FASTKD1: variants seen among roughly 807,000 people sequenced by gnomAD.
The protein encoded by FASTKD1 is FAST kinase domain-containing protein 1, mitochondrial.
A neutral mutation model predicts 90.9 loss-of-function variants in FASTKD1; 94 were observed. The ratio of observed to expected loss-of-function variants is 1.03; its 90% CI spans 0.88 to 1.23. The LOEUF (loss-of-function observed/expected upper bound fraction) is 1.23. Ranked by LOEUF, FASTKD1 falls within the 50% of genes most tolerant of loss-of-function variation. The probability of loss-of-function intolerance (pLI) is 0.00; values close to 1 mark genes in which losing one functional copy is unlikely to be tolerated. For missense variants in FASTKD1, 945 were observed against 993.5 expected, an observed-to-expected ratio of 0.95 and a Z score of 0.66; for synonymous variants, 319 against 345.8, an observed-to-expected ratio of 0.92 and a Z score of 0.86.
At position 169,537,336 on chromosome 2, in the gene FASTKD1, A is replaced by T. The variant is rs113570944; in HGVS notation, c.2079T>A (p.Ile693=). The T allele has an allele frequency of 6.4e-7, 1 of 1,571,264 alleles. No individual in the cohort carries two copies. The highest frequency in any genetic ancestry group is 8.7e-7 in the Non-Finnish European group (1 of 1,148,296). Residue 693 remains isoleucine (I), a synonymous_variant, in exon 12 of 15, where the codon ATT becomes ATA. Transcript: ENST00000453153. ...GCTGTTGTGTTCCATCCATGCCACC[A>T]ATACCTTTATAAAAAAATAAATAAT... ...DRFCQQYNKG[I]GGMDGTQQQI...
At chr2:169,535,911 C>T (rs1684704398) in intron 12 of FASTKD1, among the ~76,000 whole-genome samples, 1 of 151,522 alleles carries the variant, frequency 6.6e-6, no homozygotes, top group Non-Finnish European at 1.5e-5. Context: ...ATCCTTCAAA[C>T]ATTTTAAAAC....
At chr2:169,553,271 C>CA (rs374454211) in intron 7 of FASTKD1, among the ~76,000 whole-genome samples, 23,015 of 79,020 alleles carry the variant, frequency 0.29, 4,172 homozygotes, top group South Asian at 0.43. Context: ...TAAAAGCATG[C>CA]AAAAAAAAAA....
intron 4 of FASTKD1, among the ~76,000 whole-genome samples, chr2:169,562,627 G>A (rs1242837535): frequency 6.6e-6 from 1 of 151,802 alleles, no homozygotes; most frequent in East Asian, 1.9e-4. Flanking sequence ...CTATGTTCTA[G>A]ATACTTATTC....
chr2:169,540,698 C>T (rs1211113317), intron 9 of FASTKD1, among the ~76,000 whole-genome samples: 1 of 152,128 alleles, frequency 6.6e-6, no homozygotes, highest in Non-Finnish European at 1.5e-5. Flanking sequence ...TATAAATAAG[C>T]ATTAGGAAGC....
intron 12 of FASTKD1, among the ~76,000 whole-genome samples, chr2:169,536,537 C>A (rs1306876559): frequency 6.6e-6 from 1 of 151,830 alleles, no homozygotes; most frequent in East Asian, 1.9e-4. Flanking sequence ...TAGTTTATAC[C>A]AAGTTTATAA....
At chr2:169,535,075 A>G (rs1368238827) in intron 12 of FASTKD1, among the ~76,000 whole-genome samples, 1 of 149,772 alleles carries the variant, frequency 6.7e-6, no homozygotes, top group Non-Finnish European at 1.5e-5. Context: ...CCAGGCTGGT[A>G]TCAAACTTCT....
chr2:169,557,159 T>C (rs1683356069), intron 6 of FASTKD1, 28 bp downstream of exon 6: 1 of 1,416,558 alleles, frequency 7.1e-7, no homozygotes, highest in Non-Finnish European at 1.0e-6. Flanking sequence ...GACAACAAAC[T>C]TAACGTCGTA....
chr2:169,564,040 G>T (rs1000688282), intron 3 of FASTKD1, among the ~76,000 whole-genome samples: 2 of 152,092 alleles, frequency 1.3e-5, no homozygotes, highest in Non-Finnish European at 2.9e-5. Context: ...AACATGAAAA[G>T]AACTAATGAT....
At chr2:169,538,162 AT>A in intron 10 of FASTKD1, 21 bp from the exon 11 acceptor site, 1 of 1,578,718 alleles carries the variant, frequency 6.3e-7, no homozygotes, top group South Asian at 1.2e-5. Flanking sequence ...TAAAATACTA[AT>A]GAATTTTGAT....
intron 12 of FASTKD1, among the ~76,000 whole-genome samples, chr2:169,534,123 A>C (rs1457413117): frequency 7.4e-6 from 1 of 134,428 alleles, no homozygotes; most frequent in African/African-American, 2.7e-5. Context: ...ATGAACCGTG[A>C]TCATGCCACT....
chr2:169,568,628 TAAAAAAAA>T (rs10618482), intron 3 of FASTKD1, among the ~76,000 whole-genome samples: 6 of 41,542 alleles, frequency 1.4e-4, no homozygotes, highest in Admixed American at 4.3e-4. Context: ...CCCTGTCCAT[TAAAAAAAA>T]AAAAAAAAAA....
chr2:169,530,243 G>A (rs988804587), intron 14 of FASTKD1, among the ~76,000 whole-genome samples: 2 of 152,100 alleles, frequency 1.3e-5, no homozygotes, highest in African/African-American at 4.8e-5. Flanking sequence ...TCCTTTGTAA[G>A]ATATAGAAAT....
rs1168766631 is a variant in FASTKD1 at position 169,561,803 on chromosome 2, A to ATTAATTTATTGTAAATTAT, written c.573-1037_573-1019dup. Among the ~76,000 whole-genome samples, 26 of 140,130 alleles carry ATTAATTTATTGTAAATTAT rather than the reference A, an allele frequency of 1.9e-4. 3 individuals carry two copies. The East Asian group carries it at 2.9e-3, about 16-fold the overall frequency. 91.9% of individuals were successfully genotyped at this position (140,130 alleles called of 152,430 possible). A position where few individuals can be genotyped will look rare whatever the true frequency, so the allele number is the denominator to read the frequency against. On this transcript the variant is annotated intron_variant, in intron 4 of 14. Transcript: ENST00000453153. ...TTTATTAATTTATTGTAAATTATTT[A>ATTAATTTATTGTAAATTAT]TTAATTTATTGTAAATTATTTATTA...
intron 9 of FASTKD1, among the ~76,000 whole-genome samples, chr2:169,542,876 TAGAC>T (rs1448616154): frequency 1.3e-5 from 2 of 152,132 alleles, no homozygotes; most frequent in Admixed American, 6.6e-5. Flanking sequence ...AAAATCTAAA[TAGAC>T]AGAAACAATC....
intron 1 of FASTKD1, 36 bp downstream of exon 1, chr2:169,573,633 A>G (rs1204787861): frequency 6.6e-6 from 1 of 152,188 alleles, no homozygotes; most frequent in Non-Finnish European, 1.5e-5. Flanking sequence ...TGGGTGGGAA[A>G]AGAAAAATAG....
chr2:169,565,326 G>C (rs1228721671), intron 3 of FASTKD1, among the ~76,000 whole-genome samples: 2 of 134,324 alleles, frequency 1.5e-5, no homozygotes, highest in East Asian at 2.3e-4. Flanking sequence ...GCAGTGGCGC[G>C]ATCTCGGCTC....
chr2:169,572,857 T>C (rs1684293630), intron 1 of FASTKD1: 1 of 152,204 alleles, frequency 6.6e-6, no homozygotes. Context: ...AAATATGCTA[T>C]AAATGTTTAC....
intron 4 of FASTKD1, 64 bp from the exon 5 acceptor site, chr2:169,560,849 T>C: frequency 8.6e-6 from 11 of 1,286,128 alleles, no homozygotes; most frequent in Admixed American, 3.2e-5. Context: ...CTTTTTTTTT[T>C]TTTTTTTTTT....
At position 169,544,706 on chromosome 2, in the gene FASTKD1, A is replaced by T; in HGVS notation, c.1816+15T>A. 7.0e-7 allele frequency: 1 copy of T among 1,434,940 alleles called. No homozygotes were observed. Among genetic ancestry groups the T allele is most frequent in the Non-Finnish European group, 9.8e-7 (1 of 1,019,216 alleles). 88.9% of individuals were successfully genotyped at this position (1,434,940 alleles called of 1,614,324 possible). On this transcript the variant is annotated intron_variant, in intron 9 of 14. Transcript: ENST00000453153. Reference sequence around the variant, plus strand: ...TGACTTATTCACTCAATGTATTACCAAACAATATACCTACCTAAGTAAGAA... The same window carrying T: ...TGACTTATTCACTCAATGTATTACCTAACAATATACCTACCTAAGTAAGAA...
Sources: allele counts gnomAD v4.1 joint callset (sites outside exome capture counted in the v4.1 genomes callset), GRCh38; gene constraint gnomAD v4.1.1; transcripts MANE v1.5; gene names NCBI Gene and HGNC (gene_info 2026-07-23, HGNC 2026-07-21).